MRPL12: variants seen among roughly 807,000 people sequenced by gnomAD.
The protein encoded by MRPL12 is mitochondrial ribosomal protein L12.
In MRPL12, 13 loss-of-function variants were observed where a neutral mutation model predicts 21.1. The observed-to-expected ratio is 0.62, with a 90% CI of 0.40 to 0.98. The LOEUF (loss-of-function observed/expected upper bound fraction) is 0.98. MRPL12 is among the 50% of genes least tolerant of loss of function. The pLI, the probability that MRPL12 is intolerant of heterozygous loss-of-function variation, is 0.00. For synonymous variants in MRPL12, 126 were observed against 115.3 expected, an observed-to-expected ratio of 1.09 and a Z score of -0.60; for missense variants, 251 against 268.6, an observed-to-expected ratio of 0.93 and a Z score of 0.46.
At chr17:81,704,763 T>C (rs748997613) in intron 3 of MRPL12, 47 bp downstream of exon 3, 2 of 1,471,002 alleles carry the variant, frequency 1.4e-6, no homozygotes, top group Non-Finnish European at 9.4e-7. Context: ...CCAGTTCGCC[T>C]GTGGCCTCAT....
At chr17:81,706,119 C>T (rs888030877) in intron 3 of MRPL12, among the ~76,000 whole-genome samples, 6 of 152,190 alleles carry the variant, frequency 3.9e-5, no homozygotes, top group Non-Finnish European at 7.3e-5. Context: ...TCTCGGCACA[C>T]GTGCACTGCA....
chr17:81,706,425 G>A (rs1470519147), intron 3 of MRPL12, among the ~76,000 whole-genome samples: 5 of 152,104 alleles, frequency 3.3e-5, no homozygotes, highest in African/African-American at 1.2e-4. Flanking sequence ...CACCATATTG[G>A]TCAGGCTGGT....
In MRPL12 at chr17:81,704,354, C is replaced by T. The variant is rs202006132; in HGVS notation, c.185C>T (p.Pro62Leu). 8.7e-6 allele frequency: 14 copies of T among 1,613,584 alleles called. No homozygotes were observed. Among genetic ancestry groups the T allele is most frequent in the South Asian group, 7.7e-5 (7 of 91,076 alleles). Residue 62 changes from proline to leucine, a missense_variant, in exon 2 of 5, where the codon CCC (proline) becomes CTC (leucine). Transcript: ENST00000333676. ...GATAACGCCCCCAAGGAGTACCCCC[C>T]CAAGATACAGCAGCTGGTCCAGGAC... is the stretch of plus-strand genomic sequence containing the variant. Reference protein sequence around the residue: ...PLDNAPKEYPPKIQQLVQDIA... With the variant: ...PLDNAPKEYPLKIQQLVQDIA...
chr17:81,704,034 T>G (rs2037285674), intron 1 of MRPL12, among the ~76,000 whole-genome samples: 1 of 152,190 alleles, frequency 6.6e-6, no homozygotes, highest in Non-Finnish European at 1.5e-5. Context: ...TTGAAGAATT[T>G]AAAGTAACTT....
chr17:81,707,240 G>A lies in MRPL12; in HGVS notation c.597G>A (p.Ter199=), dbSNP rs1370899942. The A allele has an allele frequency of 1.9e-6, 3 of 1,586,174 alleles. No homozygotes were observed. In the East Asian group the frequency reaches 6.7e-5, roughly 36 times the overall value. ...EAVGGTVVLE[*] The stretch of plus-strand genomic sequence containing the variant: ...TGGGCGGCACCGTGGTTCTGGAGTA[G>A]CCTCCAGCTCGGAGGACTTGTGTTC... Residue 199 remains the stop codon, a stop_retained_variant, in exon 5 of 5, where the codon TAG becomes TAA. Transcript: ENST00000333676.
Position 81,704,239 on chromosome 17 carries a change from G to A in MRPL12, c.75-5G>A, listed in dbSNP as rs761294435. ...AAGTCTGTTTTAATTGGGGGTGGGG[G>A]CTAGGCGACAGGTGCCATGTGTCTG... On this transcript the variant is annotated splice_region_variant and splice_polypyrimidine_tract_variant and intron_variant, in intron 1 of 4. Coordinates refer to ENST00000333676, the MANE Select transcript of MRPL12 (RefSeq NM_002949.4). 3 of 1,601,840 alleles carry A rather than the reference G, an allele frequency of 1.9e-6. No homozygotes were observed. Among genetic ancestry groups the A allele is most frequent in the African/African-American group, 1.3e-5 (1 of 74,660 alleles).
intron 3 of MRPL12, among the ~76,000 whole-genome samples, chr17:81,705,002 A>G (rs147552681): frequency 6.2e-4 from 94 of 152,148 alleles, no homozygotes; most frequent in African/African-American, 2.1e-3. Flanking sequence ...CGGGAGGCCG[A>G]GACGGGTGGA....
Position 81,707,330 on chromosome 17 carries a change from G to C in MRPL12, c.*90G>C, listed in dbSNP as rs11546284. 8.0e-7 allele frequency: 1 copy of C among 1,247,286 alleles called. No individual in the cohort carries two copies. Among genetic ancestry groups the C allele is most frequent in the African/African-American group, 1.5e-5 (1 of 66,344 alleles). 77.3% of individuals were successfully genotyped at this position (1,247,286 alleles called of 1,614,324 possible). On this transcript the variant is annotated 3_prime_UTR_variant, in exon 5 of 5. Coordinates refer to ENST00000333676, the MANE Select transcript of MRPL12 (RefSeq NM_002949.4). The stretch of plus-strand genomic sequence containing the variant: ...GTCACTGGCTCCGCCCCCAGCACCA[G>C]GCGCCCAGTGGAGCCGTTTGGGAGA...
Position 81,703,505 on chromosome 17 carries a change from C to A in MRPL12, c.4C>A (p.Leu2Met). The A allele has an allele frequency of 6.7e-7, 1 of 1,485,570 alleles. No individual in the cohort carries two copies. Among genetic ancestry groups the A allele is most frequent in the South Asian group, 1.3e-5 (1 of 79,544 alleles). 92.0% of individuals were successfully genotyped at this position (1,485,570 alleles called of 1,614,324 possible). A position where few individuals can be genotyped will look rare whatever the true frequency, so the allele number is the denominator to read the frequency against. ...TGACCTTCCAGCCCGCGGACCGATG[C>A]TGCCGGCGGCCGCTCGCCCCCTGTG... is the stretch of plus-strand genomic sequence containing the variant. M[L>M]PAAARPLWGP... Residue 2 changes from leucine (L) to methionine (M), a missense_variant, in exon 1 of 5, where the codon CTG becomes ATG. Coordinates refer to ENST00000333676, the MANE Select transcript of MRPL12 (RefSeq NM_002949.4).
At chr17:81,705,722 T>G (rs1054478985) in intron 3 of MRPL12, among the ~76,000 whole-genome samples, 4 of 152,206 alleles carry the variant, frequency 2.6e-5, no homozygotes, top group Non-Finnish European at 5.9e-5. Flanking sequence ...AGCCGCCAGT[T>G]GCGTTTGGTC....
Position 81,704,689 on chromosome 17 carries a change from G to A in MRPL12, c.318G>A (p.Gly106=). ...TGCCGATGGGTGGTGTGATGTCTGG[G>A]GCTGTCCCTGCTGCAGCAGCCCAGG... ...GLVPMGGVMS[G]AVPAAAAQEA... The change falls in exon 3 of 5, where the codon GGG becomes GGA. Residue 106 remains glycine (G), a synonymous_variant. Transcript: ENST00000333676. 2 of 1,613,776 alleles carry A rather than the reference G, an allele frequency of 1.2e-6. No individual in the cohort carries two copies. The highest frequency in any genetic ancestry group is 8.5e-7 in the Non-Finnish European group (1 of 1,179,912).
chr17:81,705,015 A>G (rs2037299812), intron 3 of MRPL12, among the ~76,000 whole-genome samples: 1 of 151,226 alleles, frequency 6.6e-6, no homozygotes, highest in South Asian at 2.1e-4. Flanking sequence ...CGGGTGGATC[A>G]CTTGAGGTCA....
At chr17:81,704,594 G>A (rs900965668) in intron 2 of MRPL12, 39 bp from the exon 3 acceptor site, 3 of 1,609,470 alleles carry the variant, frequency 1.9e-6, no homozygotes, top group African/African-American at 1.3e-5. Context: ...TCCGGCTGGT[G>A]TGAGGGCCAG....
Position 81,704,623 on chromosome 17 carries a change from A to G in MRPL12, c.262-10A>G, listed in dbSNP as rs965337376. The stretch of plus-strand genomic sequence containing the variant: ...GGGCCAGCTGTGGACACTGTTCTCT[A>G]TCTCTGCAGAAAACGTTGAAGATCC... On this transcript the variant is annotated splice_polypyrimidine_tract_variant and intron_variant, in intron 2 of 4. Transcript: ENST00000333676. 12 of 1,613,730 alleles carry G rather than the reference A, an allele frequency of 7.4e-6. 1 individual carries two copies. The highest frequency in any genetic ancestry group is 6.7e-5 in the African/African-American group (5 of 75,020).
Position 81,704,450 on chromosome 17 carries a change from C to T in MRPL12, c.261+20C>T. 1 of 1,606,368 alleles carries T rather than the reference C, an allele frequency of 6.2e-7. No individual in the cohort carries two copies. The highest frequency in any genetic ancestry group is 8.5e-7 in the Non-Finnish European group (1 of 1,175,472). ...CTGAAGGTATCGTGAGAGGGTGGCA[C>T]AGACCCAGGGGCTGGAAGTTTCAGG... On this transcript the variant is annotated intron_variant, in intron 2 of 4. Coordinates refer to ENST00000333676, the MANE Select transcript of MRPL12 (RefSeq NM_002949.4).
In MRPL12 at chr17:81,704,435, C is replaced by A. The variant is rs767787425; in HGVS notation, c.261+5C>A. 4.3e-6 allele frequency: 7 copies of A among 1,609,924 alleles called. No individual in the cohort carries two copies. Among genetic ancestry groups the A allele is most frequent in the Non-Finnish European group, 5.9e-6 (7 of 1,177,756 alleles). On this transcript the variant is annotated splice_donor_5th_base_variant and intron_variant, in intron 2 of 4. Coordinates refer to ENST00000333676, the MANE Select transcript of MRPL12 (RefSeq NM_002949.4). ...GACCTCAACGAGCTCCTGAAGGTAT[C>A]GTGAGAGGGTGGCACAGACCCAGGG...
At chr17:81,705,903 C>T (rs933458902) in intron 3 of MRPL12, among the ~76,000 whole-genome samples, 1 of 152,230 alleles carries the variant, frequency 6.6e-6, no homozygotes, top group African/African-American at 2.4e-5. Flanking sequence ...TGATTAGATT[C>T]AGGCCGAGCG....
rs527534915 is a variant in MRPL12, at chr17:81,703,545, G to A, written c.44G>A (p.Gly15Glu). The A allele has an allele frequency of 2.2e-4, 320 of 1,468,200 alleles. 3 individuals carry two copies. In the East Asian group the frequency reaches 9.0e-3, roughly 41 times the overall value. The allele number at this position is 1,468,200 out of a possible 1,614,324, so 90.9% of individuals were successfully genotyped here. ...CGCCCCCTGTGGGGGCCTTGCCTTG[G>A]GCTTCGGGCCGCTGCGTTCCGCCTT... ...AARPLWGPCL[G>E]LRAAAFRLAR... Residue 15 changes from glycine (G) to glutamate (E), a missense_variant, in exon 1 of 5, where the codon GGG becomes GAG. Coordinates refer to ENST00000333676, the MANE Select transcript of MRPL12 (RefSeq NM_002949.4).
At position 81,706,891 on chromosome 17, in the gene MRPL12, T is replaced by G; in HGVS notation, c.346-15T>G. ...CCCTTTGTCACCTGGCTCCCCTTCTTTCCTGCTCCCTAAGGCGGTGGAAGA... is the reference window on the plus strand; with the variant it reads ...CCCTTTGTCACCTGGCTCCCCTTCTGTCCTGCTCCCTAAGGCGGTGGAAGA... On this transcript the variant is annotated splice_polypyrimidine_tract_variant and intron_variant, in intron 3 of 4. Transcript: ENST00000333676. The G allele has an allele frequency of 6.2e-7, 1 of 1,613,148 alleles. No individual in the cohort carries two copies. Among genetic ancestry groups the G allele is most frequent in the Non-Finnish European group, 8.5e-7 (1 of 1,179,726 alleles).
Sources: gnomAD v4.1 joint callset for allele counts (sites outside exome capture counted in the v4.1 genomes callset) on GRCh38, gnomAD v4.1.1 for gene constraint, MANE v1.5 for transcripts, NCBI Gene and HGNC (gene_info 2026-07-23, HGNC 2026-07-21) for gene names.